METTL15: variants seen among roughly 807,000 people sequenced by gnomAD.
METTL15 encodes methyltransferase 15, mitochondrial 12S rRNA N4-cytidine.
In METTL15, 34 loss-of-function variants were observed where a neutral mutation model predicts 38.3. The ratio of observed to expected loss-of-function variants is 0.89; its 90% confidence interval spans 0.68 to 1.18. The LOEUF is 1.18. METTL15 is among the 50% of genes most tolerant of loss of function. The pLI, the probability that METTL15 is intolerant of heterozygous loss-of-function variation, is 0.00. For synonymous variants in METTL15, 162 were observed against 170.9 expected, an observed-to-expected ratio of 0.95 and a Z score of 0.41; for missense variants, 438 against 498.4, an observed-to-expected ratio of 0.88 and a Z score of 1.15.
At chr11:28,251,805 T>C (rs1854756424) in intron 4 of METTL15, among the ~76,000 whole-genome samples, 2 of 152,066 alleles carry the variant, frequency 1.3e-5, no homozygotes, top group Non-Finnish European at 2.9e-5. Context: ...TGCACTATTC[T>C]TCAGCCCATG....
At chr11:28,524,664 G>A (rs1280652014) in intron 6 of METTL15, among the ~76,000 whole-genome samples, 9 of 152,140 alleles carry the variant, frequency 5.9e-5, no homozygotes, top group African/African-American at 2.2e-4. Flanking sequence ...TAATCAGCAA[G>A]GTAAAGGAGT....
chr11:28,398,523 T>C (rs1201338433), intron 5 of METTL15, among the ~76,000 whole-genome samples: 2 of 151,958 alleles, frequency 1.3e-5, no homozygotes, highest in African/African-American at 4.8e-5. Flanking sequence ...TTTGATGGGG[T>C]TGTTTTTTCT....
chr11:28,172,080 T>G (rs1182575881), intron 3 of METTL15, among the ~76,000 whole-genome samples: 1 of 152,186 alleles, frequency 6.6e-6, no homozygotes, highest in Non-Finnish European at 1.5e-5. Context: ...GGATTACAGG[T>G]GTTAGCCACT....
chr11:28,283,358 AT>A (rs1213648603), intron 4 of METTL15, among the ~76,000 whole-genome samples: 1 of 152,162 alleles, frequency 6.6e-6, no homozygotes, highest in African/African-American at 2.4e-5. Context: ...AACCATGGGA[AT>A]TTTAGATTTC....
At chr11:28,217,475 T>G (rs963012656) in intron 4 of METTL15, among the ~76,000 whole-genome samples, 10 of 152,106 alleles carry the variant, frequency 6.6e-5, no homozygotes, top group Admixed American at 6.5e-4. Context: ...GTCAGATGAG[T>G]AGGTTGCAAA....
intron 6 of METTL15, chr11:28,328,298 A>G: frequency 2.7e-6 from 2 of 740,138 alleles, no homozygotes; most frequent in Non-Finnish European, 4.2e-6. Flanking sequence ...TAGAGGAAAG[A>G]ACCATCACAC....
intron 3 of METTL15, chr11:28,163,401 C>T: frequency 2.5e-6 from 1 of 398,198 alleles, no homozygotes; most frequent in East Asian, 3.6e-5. Flanking sequence ...CTTCATTCTA[C>T]AGCAGCCCTG....
chr11:28,152,708 T>C (rs1454021034), intron 3 of METTL15, among the ~76,000 whole-genome samples: 1 of 152,038 alleles, frequency 6.6e-6, no homozygotes, highest in African/African-American at 2.4e-5. Flanking sequence ...ATATAACTGT[T>C]ACAGGAAAGG....
At chr11:28,247,852 T>A (rs1327648568) in intron 4 of METTL15, among the ~76,000 whole-genome samples, 1 of 152,040 alleles carries the variant, frequency 6.6e-6, no homozygotes, top group Non-Finnish European at 1.5e-5. Context: ...GGGTTTAGGA[T>A]CAACCATACA....
At chr11:28,175,019 C>A (rs1851010255) in intron 3 of METTL15, among the ~76,000 whole-genome samples, 1 of 151,722 alleles carries the variant, frequency 6.6e-6, no homozygotes, top group African/African-American at 2.4e-5. Flanking sequence ...CATATGTATA[C>A]ATGTGCCATG....
At chr11:28,509,968 A>C (rs1851661334) in intron 6 of METTL15, among the ~76,000 whole-genome samples, 1 of 151,984 alleles carries the variant, frequency 6.6e-6, no homozygotes, top group Non-Finnish European at 1.5e-5. Flanking sequence ...TTACTATGAC[A>C]ATGGAGTAAT....
At chr11:28,120,686 C>T (rs556495544) in intron 3 of METTL15, among the ~76,000 whole-genome samples, 1 of 152,252 alleles carries the variant, frequency 6.6e-6, no homozygotes, top group South Asian at 2.1e-4. Flanking sequence ...GTTTTCCATA[C>T]ACTTTGTAGT....
At chr11:28,511,928 G>C (rs1851677765) in intron 6 of METTL15, among the ~76,000 whole-genome samples, 1 of 152,144 alleles carries the variant, frequency 6.6e-6, no homozygotes. Flanking sequence ...GGAGTGGTCT[G>C]TTTTGACAGG....
intron 5 of METTL15, among the ~76,000 whole-genome samples, chr11:28,292,821 A>T (rs1436480469): frequency 1.3e-5 from 2 of 152,004 alleles, no homozygotes; most frequent in African/African-American, 4.8e-5. Flanking sequence ...GATGATGAGC[A>T]TTTTTTCATG....
rs151322917 is a variant in METTL15 at position 28,359,161 on chromosome 11, A to T, written c.*259-2776A>T. 3.9e-5 allele frequency among the ~76,000 whole-genome samples: 6 copies of T among 152,184 alleles called. No individual in the cohort carries two copies. In the South Asian group the frequency reaches 1.2e-3, roughly 32 times the overall value. ...CATGTGTACCCAATGTTTACCCCTC[A>T]CTTAGAAGTGAGAACATGTGGTGTT... On this transcript the variant is annotated intron_variant and NMD_transcript_variant, in intron 4 of 7. Transcript: ENST00000532947.
intron 5 of METTL15, among the ~76,000 whole-genome samples, chr11:28,386,471 C>A (rs1188953366): frequency 3.3e-5 from 5 of 151,692 alleles, no homozygotes. Flanking sequence ...AAAATTGTTG[C>A]ATGAGACAAA....
chr11:28,373,030 TG>T (rs1198074704), intron 5 of METTL15, among the ~76,000 whole-genome samples: 2 of 151,978 alleles, frequency 1.3e-5, no homozygotes, highest in African/African-American at 4.8e-5. Flanking sequence ...TATTGGACAT[TG>T]GGGTTGGTTC....
At chr11:28,307,225 C>T (rs1303598177) in intron 6 of METTL15, among the ~76,000 whole-genome samples, 1 of 151,874 alleles carries the variant, frequency 6.6e-6, no homozygotes, top group African/African-American at 2.4e-5. Flanking sequence ...GAAATATTTG[C>T]TGACTTCTTA....
chr11:28,265,389 G>T (rs1855372934), intron 4 of METTL15, among the ~76,000 whole-genome samples: 1 of 151,824 alleles, frequency 6.6e-6, no homozygotes, highest in African/African-American at 2.4e-5. Context: ...TCATAGAAAG[G>T]ATAGAAAGAA....
Sources: gnomAD v4.1 joint callset for allele counts (sites outside exome capture counted in the v4.1 genomes callset) on GRCh38, gnomAD v4.1.1 for gene constraint, MANE v1.5 for transcripts, NCBI Gene and HGNC (gene_info 2026-07-23, HGNC 2026-07-21) for gene names.